TRIQK: variants seen among roughly 807,000 people sequenced by gnomAD.
TRIQK encodes triple QxxK/R motif-containing protein.
In TRIQK, 10 loss-of-function variants were observed where a neutral mutation model predicts 10.8. The ratio of observed to expected loss-of-function variants is 0.92; its 90% CI spans 0.57 to 1.57. The LOEUF (loss-of-function observed/expected upper bound fraction) is 1.57. Among genes scored for constraint, TRIQK ranks in the 40% most tolerant of loss-of-function variants. The pLI is 0.00. For synonymous variants in TRIQK, 33 were observed against 33.7 expected, an observed-to-expected ratio of 0.98 and a Z score of 0.07; for missense variants, 107 against 97.7, an observed-to-expected ratio of 1.09 and a Z score of -0.40.
intron 2 of TRIQK, among the ~76,000 whole-genome samples, chr8:92,938,780 C>T (rs1048478582): frequency 2.6e-5 from 4 of 152,162 alleles, no homozygotes; most frequent in Non-Finnish European, 4.4e-5. Context: ...AGTGTCCTAT[C>T]TGCTGTTAAT....
At chr8:93,014,844 T>A (rs1199440057) in intron 1 of TRIQK, among the ~76,000 whole-genome samples, 1 of 152,064 alleles carries the variant, frequency 6.6e-6, no homozygotes, top group Non-Finnish European at 1.5e-5. Flanking sequence ...TTGTTAGTTA[T>A]TGAAGTCTGA....
chr8:92,929,450 G>GC (rs1810600776), intron 2 of TRIQK: 1 of 151,848 alleles, frequency 6.6e-6, no homozygotes, highest in Non-Finnish European at 1.5e-5. Context: ...AAATAACCCA[G>GC]CCCCCACCAA....
chr8:92,960,125 AG>A (rs1196758577), intron 1 of TRIQK, among the ~76,000 whole-genome samples: 23 of 151,970 alleles, frequency 1.5e-4, no homozygotes, highest in African/African-American at 5.6e-4. Context: ...AGCTCAGGAA[AG>A]TTTTTTCTCC....
intron 2 of TRIQK, among the ~76,000 whole-genome samples, chr8:92,925,089 A>G (rs769713749): frequency 6.6e-6 from 1 of 152,166 alleles, no homozygotes; most frequent in Admixed American, 6.5e-5. Context: ...GTCATGTTCC[A>G]GAAAAGAAAT....
intron 2 of TRIQK, among the ~76,000 whole-genome samples, chr8:92,936,209 C>T (rs4565437): frequency 0.7 from 105,930 of 151,364 alleles, 37,420 homozygotes; most frequent in Middle Eastern, 0.82. Context: ...AACAAAGATA[C>T]AAAAATCCTA....
At chr8:93,003,632 A>ATT (rs1380600590) in intron 1 of TRIQK, among the ~76,000 whole-genome samples, 2 of 152,156 alleles carry the variant, frequency 1.3e-5, no homozygotes, top group East Asian at 3.9e-4. Context: ...TCATTCCAAT[A>ATT]TTAACTTAAA....
At chr8:92,925,378 GA>G (rs1425688439) in intron 2 of TRIQK, among the ~76,000 whole-genome samples, 1 of 151,594 alleles carries the variant, frequency 6.6e-6, no homozygotes, top group Non-Finnish European at 1.5e-5. Context: ...TCATAAAAGA[GA>G]AAAAAAGGAT....
chr8:92,893,158 T>C (rs1388191365), intron 3 of TRIQK, among the ~76,000 whole-genome samples: 1 of 152,002 alleles, frequency 6.6e-6, no homozygotes, highest in Non-Finnish European at 1.5e-5. Flanking sequence ...TGAAAAGCAA[T>C]TGGTCTAAAC....
At chr8:92,953,506 T>C (rs527906686) in intron 2 of TRIQK, 1 of 152,020 alleles carries the variant, frequency 6.6e-6, no homozygotes, top group South Asian at 2.1e-4. Flanking sequence ...TAAGACTCCA[T>C]TTAGAAGGTG....
At chr8:92,979,085 A>C (rs1014563141) in intron 1 of TRIQK, among the ~76,000 whole-genome samples, 6 of 152,136 alleles carry the variant, frequency 3.9e-5, no homozygotes, top group Non-Finnish European at 1.5e-5. Flanking sequence ...CTGGGGTCTC[A>C]GCTGGGACAC....
Position 92,951,742 on chromosome 8 carries a change from T to C in TRIQK, c.-22+2664A>G, listed in dbSNP as rs1811919497. ...AAGATCTGTCCTCAGGAGAAACTAG[T>C]TAATCAAAGGCTAACTTGCTGGGTA... is the stretch of plus-strand genomic sequence containing the variant. On this transcript the variant is annotated intron_variant, in intron 2 of 4. Transcript: ENST00000521988. Among the ~76,000 whole-genome samples the C allele has an allele frequency of 2.0e-5, 3 of 152,068 alleles. No individual in the cohort carries two copies. In the South Asian group the frequency reaches 6.2e-4, roughly 32 times the overall value.
intron 1 of TRIQK, among the ~76,000 whole-genome samples, chr8:93,006,921 T>C (rs1274131042): frequency 6.6e-6 from 1 of 152,180 alleles, no homozygotes; most frequent in African/African-American, 2.4e-5. Context: ...CTTAGTCTTC[T>C]CCCTGCTGGC....
chr8:92,911,120 T>C (rs77227511), intron 3 of TRIQK, among the ~76,000 whole-genome samples: 1 of 151,246 alleles, frequency 6.6e-6, no homozygotes, highest in East Asian at 1.9e-4. Flanking sequence ...TAAAAATCAA[T>C]TTGAGAAAAA....
At chr8:92,990,254 A>G (rs530198030) in intron 1 of TRIQK, among the ~76,000 whole-genome samples, 1 of 152,330 alleles carries the variant, frequency 6.6e-6, no homozygotes, top group East Asian at 1.9e-4. Context: ...GTCAGTTAAT[A>G]AGAAAATTAA....
At chr8:93,012,784 ATAATGTAATGCAGTGGCT>A (rs1813348530) in intron 1 of TRIQK, among the ~76,000 whole-genome samples, 2 of 152,186 alleles carry the variant, frequency 1.3e-5, no homozygotes, top group African/African-American at 4.8e-5. Context: ...ATATTCCTAA[ATAATGTAATGCAGTGGCT>A]TTCTCAAAAT....
intron 2 of TRIQK, chr8:92,941,380 A>T (rs1022239811): frequency 2.0e-5 from 3 of 152,198 alleles, no homozygotes; most frequent in African/African-American, 4.8e-5. Flanking sequence ...CCCAGCCAAA[A>T]GGGAAATTTA....
At chr8:92,938,716 A>G (rs532251980) in intron 2 of TRIQK, among the ~76,000 whole-genome samples, 8 of 152,160 alleles carry the variant, frequency 5.3e-5, no homozygotes, top group African/African-American at 1.9e-4. Flanking sequence ...TCTGCCTTTC[A>G]TTTTGGATCA....
chr8:92,925,400 A>T (rs1810398801), intron 2 of TRIQK, among the ~76,000 whole-genome samples: 1 of 152,226 alleles, frequency 6.6e-6, no homozygotes, highest in South Asian at 2.1e-4. Context: ...GAACTGGATT[A>T]CATCAAAATT....
rs1185614466 is a variant in TRIQK at position 92,888,840 on chromosome 8, T to C, written c.148-2105A>G. Among the ~76,000 whole-genome samples, 8 of 151,668 alleles carry C rather than the reference T, an allele frequency of 5.3e-5. 1 individual carries two copies. In the South Asian group the frequency reaches 1.2e-3, roughly 24 times the overall value. ...TTTCACTATAATTATGCTTTTCATA[T>C]AAACCTTTTAAATAAAAAAGCAACT... On this transcript the variant is annotated intron_variant, in intron 4 of 4. Coordinates refer to ENST00000521988, the MANE Select transcript of TRIQK (RefSeq NM_001171797.2).
Sources: allele counts gnomAD v4.1 joint callset (sites outside exome capture counted in the v4.1 genomes callset), GRCh38; gene constraint gnomAD v4.1.1; transcripts MANE v1.5; gene names NCBI Gene and HGNC (gene_info 2026-07-23, HGNC 2026-07-21).